The following CDH4 variants were observed in gnomAD, a reference collection of about 807,000 sequenced individuals.
CDH4 encodes cadherin-4.
A neutral mutation model predicts 86.0 loss-of-function variants in CDH4; 33 were observed. The ratio of observed to expected loss-of-function variants is 0.38; its 90% CI spans 0.29 to 0.51. The LOEUF is 0.51. CDH4 is among the 20% of genes least tolerant of loss of function. The pLI, the probability that CDH4 is intolerant of heterozygous loss-of-function variation, is 0.86. For synonymous variants in CDH4, 555 were observed against 549.4 expected (o/e 1.01, Z -0.14); for missense variants, 1,114 against 1,307.4 (o/e 0.85, Z 2.28).
intron 2 of CDH4, among the ~76,000 whole-genome samples, chr20:61,658,077 C>T (rs1245970796): frequency 6.6e-6 from 1 of 152,156 alleles, no homozygotes; most frequent in South Asian, 2.1e-4. Flanking sequence ...CAGCCAGGCA[C>T]AGGAGCTCCA....
intron 2 of CDH4, among the ~76,000 whole-genome samples, chr20:61,476,894 A>G (rs989866542): frequency 6.6e-6 from 1 of 152,192 alleles, no homozygotes; most frequent in Non-Finnish European, 1.5e-5. Flanking sequence ...GGTGGACAGG[A>G]TCACACCTGG....
At chr20:61,594,863 C>T (rs770323727) in intron 2 of CDH4, among the ~76,000 whole-genome samples, 1 of 152,244 alleles carries the variant, frequency 6.6e-6, no homozygotes, top group African/African-American at 2.4e-5. Flanking sequence ...ACATCAATAG[C>T]TGATATTCAG....
At chr20:61,701,943 C>G (rs968706965) in intron 2 of CDH4, among the ~76,000 whole-genome samples, 2 of 152,220 alleles carry the variant, frequency 1.3e-5, no homozygotes, top group African/African-American at 4.8e-5. Flanking sequence ...GAAGTTCACT[C>G]AGCTGCGTGA....
chr20:61,545,753 TGTGA>T (rs67012052), intron 2 of CDH4, among the ~76,000 whole-genome samples: 23,945 of 151,616 alleles, frequency 0.16, 1,920 homozygotes, highest in South Asian at 0.19. Context: ...TGCTTGTGTA[TGTGA>T]GTGTGTGGGG....
chr20:61,587,506 C>T (rs2086487351), intron 2 of CDH4, among the ~76,000 whole-genome samples: 1 of 152,122 alleles, frequency 6.6e-6, no homozygotes, highest in African/African-American at 2.4e-5. Flanking sequence ...CTGGGTCATC[C>T]CGTCGGAAAC....
At chr20:61,273,229 T>C (rs62199403) in intron 2 of CDH4, among the ~76,000 whole-genome samples, 3 of 109,942 alleles carry the variant, frequency 2.7e-5, no homozygotes, top group South Asian at 3.6e-4. Flanking sequence ...CCTTGTGCAG[T>C]TTGGGGGAGT....
chr20:61,530,888 G>A (rs980350741), intron 2 of CDH4, among the ~76,000 whole-genome samples: 1 of 152,126 alleles, frequency 6.6e-6, no homozygotes, highest in Non-Finnish European at 1.5e-5. Flanking sequence ...GCTGTCCAGG[G>A]AGGAGGTGCT....
chr20:61,578,801 A>G (rs2086403863), intron 2 of CDH4, among the ~76,000 whole-genome samples: 1 of 152,164 alleles, frequency 6.6e-6, no homozygotes, highest in Non-Finnish European at 1.5e-5. Context: ...TCTGCCTTAC[A>G]TCATGTTTTT....
intron 2 of CDH4, among the ~76,000 whole-genome samples, chr20:61,705,824 G>A (rs1442900915): frequency 1.3e-5 from 2 of 152,208 alleles, no homozygotes; most frequent in South Asian, 2.1e-4. Context: ...GGGGCTGGCC[G>A]GGCTCTTCTG....
intron 2 of CDH4, among the ~76,000 whole-genome samples, chr20:61,484,257 C>T (rs974781278): frequency 3.3e-5 from 5 of 152,304 alleles, no homozygotes; most frequent in East Asian, 1.9e-4. Context: ...TACATTCCCA[C>T]GTTTTATTCT....
At chr20:61,593,211 G>A (rs570806610) in intron 2 of CDH4, among the ~76,000 whole-genome samples, 2 of 152,336 alleles carry the variant, frequency 1.3e-5, no homozygotes, top group South Asian at 2.1e-4. Flanking sequence ...ACTCACACAC[G>A]CTCATGGGCT....
At position 61,568,572 on chromosome 20, in the gene CDH4, G is replaced by C. The variant is rs189922072; in HGVS notation, c.170-174991G>C. Among the ~76,000 whole-genome samples, 437 of 152,330 alleles carry C rather than the reference G, an allele frequency of 2.9e-3. 3 individuals carry two copies. Among genetic ancestry groups the C allele is most frequent in the African/African-American group, 0.01 (422 of 41,578 alleles). ...ACGTGGATCTTTTTGATGATGTCTG[G>C]AGGATACTACAACAAATTTATGCAT... On this transcript the variant is annotated intron_variant, in intron 2 of 15. Coordinates refer to ENST00000614565, the MANE Select transcript of CDH4 (RefSeq NM_001794.5).
At chr20:61,617,548 G>A (rs1014519036) in intron 2 of CDH4, among the ~76,000 whole-genome samples, 1 of 152,344 alleles carries the variant, frequency 6.6e-6, no homozygotes, top group Admixed American at 6.5e-5. Flanking sequence ...AAAATGCACA[G>A]GCACAGCTGA....
At chr20:61,287,442 C>A (rs369327703) in intron 2 of CDH4, among the ~76,000 whole-genome samples, 30 of 152,152 alleles carry the variant, frequency 2.0e-4, no homozygotes, top group African/African-American at 7.2e-4. Context: ...GCCACTGCAC[C>A]CCAGTCTGGG....
intron 2 of CDH4, among the ~76,000 whole-genome samples, chr20:61,662,242 C>T (rs58036460): frequency 0.48 from 72,789 of 151,990 alleles, 18,132 homozygotes; most frequent in African/African-American, 0.57. Flanking sequence ...ACTGGACCTG[C>T]GCTGGACTGC....
At chr20:61,641,645 A>G (rs62197782) in intron 2 of CDH4, among the ~76,000 whole-genome samples, 8 of 141,906 alleles carry the variant, frequency 5.6e-5, no homozygotes, top group South Asian at 2.4e-4. Context: ...GCACCACAGC[A>G]CCCAGGACAC....
At chr20:61,369,914 C>T (rs1267668136) in intron 2 of CDH4, 1 of 152,430 alleles carries the variant, frequency 6.6e-6, no homozygotes, top group African/African-American at 2.4e-5. Context: ...TTTCCAGAGT[C>T]CTGGGGACAC....
intron 2 of CDH4, among the ~76,000 whole-genome samples, chr20:61,710,924 GC>G (rs1189989076): frequency 5.3e-5 from 8 of 152,132 alleles, no homozygotes; most frequent in African/African-American, 1.9e-4. Flanking sequence ...CTAACAAATC[GC>G]CATGAGCTCA....
chr20:61,305,279 G>T (rs191612414), intron 2 of CDH4, among the ~76,000 whole-genome samples: 26 of 152,218 alleles, frequency 1.7e-4, no homozygotes, highest in Non-Finnish European at 3.4e-4. Flanking sequence ...TCCACCCAGC[G>T]TGGCTTTCGA....
Sources: gnomAD v4.1 joint callset for allele counts (sites outside exome capture counted in the v4.1 genomes callset) on GRCh38, gnomAD v4.1.1 for gene constraint, MANE v1.5 for transcripts, NCBI Gene and HGNC (gene_info 2026-07-23, HGNC 2026-07-21) for gene names.